The following HDAC8 variants were observed in gnomAD, a reference collection of about 807,000 sequenced individuals.
HDAC8 encodes histone deacetylase-like 1.
A neutral mutation model predicts 32.2 loss-of-function variants in HDAC8; 1 was observed. The ratio of observed to expected loss-of-function variants is 0.03; its 90% CI spans 0.01 to 0.15. The LOEUF is 0.15. HDAC8 is among the 10% of genes least tolerant of loss of function. HDAC8 has a pLI of 1.00. For missense variants in HDAC8, 117 were observed against 300.0 expected, an observed-to-expected ratio of 0.39 and a Z score of 4.51; for synonymous variants, 108 against 113.9, an observed-to-expected ratio of 0.95 and a Z score of 0.33.
intron 8 of HDAC8, among the ~76,000 whole-genome samples, chrX:72,462,731 T>G: frequency 9.0e-6 from 1 of 111,456 alleles, no homozygotes. Flanking sequence ...CCAACGGCCA[T>G]ATTATACTGG....
chrX:72,401,449 G>A (rs1462924530), intron 9 of HDAC8, among the ~76,000 whole-genome samples: 1 of 111,208 alleles, frequency 9.0e-6, no homozygotes, highest in Non-Finnish European at 1.9e-5. Flanking sequence ...GGCTGGTCTC[G>A]AACTCCTGAG....
chrX:72,473,899 T>C, intron 7 of HDAC8: 1 of 753,303 alleles, frequency 1.3e-6, no homozygotes, highest in Non-Finnish European at 1.6e-6. Flanking sequence ...TCTTCCGTGA[T>C]GTGGTTCCCA....
At chrX:72,477,631 G>A (rs939343665) in intron 7 of HDAC8, among the ~76,000 whole-genome samples, 3 of 112,526 alleles carry the variant, frequency 2.7e-5, no homozygotes, top group South Asian at 3.7e-4. Context: ...ACAATGAGGT[G>A]TGCAAGAAAG....
chrX:72,493,748 G>A (rs1314056129), intron 5 of HDAC8, among the ~76,000 whole-genome samples: 2 of 111,610 alleles, frequency 1.8e-5, no homozygotes, highest in African/African-American at 3.3e-5. Context: ...CCAAGCTGGA[G>A]TGCAGTGGCA....
At chrX:72,426,541 C>A (rs1602776476) in intron 9 of HDAC8, among the ~76,000 whole-genome samples, 1 of 111,833 alleles carries the variant, frequency 8.9e-6, no homozygotes, top group South Asian at 3.7e-4. Context: ...AATGCCTAGT[C>A]AAAATAAAAT....
chrX:72,379,216 A>G lies in HDAC8; in HGVS notation c.1006-27378T>C, dbSNP rs186557691. On this transcript the variant is annotated intron_variant, in intron 9 of 10. Coordinates refer to ENST00000373573, the MANE Select transcript of HDAC8 (RefSeq NM_018486.3). The stretch of plus-strand genomic sequence containing the variant: ...ATTGATATTTATTGATATTGGTGAG[A>G]CATGTCATACATTCCTTTAAATTTT... Among the ~76,000 whole-genome samples the G allele has an allele frequency of 1.7e-3, 192 of 111,299 alleles. 1 individual carries two copies. Among genetic ancestry groups the G allele is most frequent in the African/African-American group, 5.8e-3 (179 of 30,651 alleles).
chrX:72,424,645 C>T (rs782414371), intron 9 of HDAC8, among the ~76,000 whole-genome samples: 117 of 111,602 alleles, frequency 1.0e-3, no homozygotes, highest in African/African-American at 1.5e-3. Context: ...CAACCATTAC[C>T]GTTATCCACT....
intron 9 of HDAC8, among the ~76,000 whole-genome samples, chrX:72,382,080 T>A (rs782019702): frequency 1.8e-5 from 2 of 112,708 alleles, no homozygotes; most frequent in African/African-American, 6.4e-5. Context: ...ACCAAGCTGA[T>A]GGTTTTTTAA....
intron 4 of HDAC8, among the ~76,000 whole-genome samples, chrX:72,527,064 A>G (rs1360170758): frequency 9.0e-6 from 1 of 111,338 alleles, no homozygotes; most frequent in Non-Finnish European, 1.9e-5. Flanking sequence ...TTTAGGATAA[A>G]GTCCAAACAC....
intron 9 of HDAC8, among the ~76,000 whole-genome samples, chrX:72,417,311 T>C (rs1364770402): frequency 8.1e-5 from 9 of 111,640 alleles, no homozygotes; most frequent in African/African-American, 2.9e-4. Context: ...TTGCAGATGA[T>C]ATGATTCTAT....
In HDAC8 at chrX:72,572,119, T is replaced by C; in HGVS notation, c.112-10A>G. The stretch of plus-strand genomic sequence containing the variant: ...AATGCACCATACTGGCCTAAAAACA[T>C]CAGCGTAAAAAAAAAAAAAGAAAAG... On this transcript the variant is annotated splice_polypyrimidine_tract_variant and intron_variant, in intron 1 of 10. Transcript: ENST00000373573. 2 of 1,151,632 alleles carry C rather than the reference T, an allele frequency of 1.7e-6. No individual in the cohort carries two copies. Among genetic ancestry groups the C allele is most frequent in the Non-Finnish European group, 1.2e-6 (1 of 864,984 alleles). 94.9% of individuals were successfully genotyped at this position (1,151,632 alleles called of 1,213,427 possible). A position where few individuals can be genotyped will look rare whatever the true frequency, so the allele number is the denominator to read the frequency against.
intron 4 of HDAC8, among the ~76,000 whole-genome samples, chrX:72,542,585 G>A (rs2050740845): frequency 8.9e-6 from 1 of 111,868 alleles, no homozygotes; most frequent in Non-Finnish European, 1.9e-5. Context: ...TGACATAACT[G>A]GTCTCTTAGC....
At chrX:72,520,668 T>A (rs782231655) in intron 4 of HDAC8, among the ~76,000 whole-genome samples, 2 of 112,538 alleles carry the variant, frequency 1.8e-5, no homozygotes, top group Admixed American at 1.9e-4. Flanking sequence ...TCATCTAATA[T>A]AGTCTGTAAA....
At chrX:72,371,511 C>T (rs782100175) in intron 9 of HDAC8, among the ~76,000 whole-genome samples, 3 of 110,747 alleles carry the variant, frequency 2.7e-5, no homozygotes, top group Admixed American at 9.6e-5. Context: ...GTCCTGGATG[C>T]GGTGGAGAAA....
chrX:72,553,417 G>A (rs782205212), intron 4 of HDAC8, among the ~76,000 whole-genome samples: 1 of 111,770 alleles, frequency 8.9e-6, no homozygotes, highest in South Asian at 3.8e-4. Flanking sequence ...CTAACCCACT[G>A]TTGTTGAATA....
chrX:72,405,202 C>A (rs2046005443), intron 9 of HDAC8, among the ~76,000 whole-genome samples: 1 of 111,746 alleles, frequency 8.9e-6, no homozygotes, highest in African/African-American at 3.3e-5. Context: ...TATCATTTAG[C>A]TCCCACTTAT....
At chrX:72,423,819 C>T (rs2046558647) in intron 9 of HDAC8, among the ~76,000 whole-genome samples, 1 of 111,883 alleles carries the variant, frequency 8.9e-6, no homozygotes, top group Non-Finnish European at 1.9e-5. Flanking sequence ...AGAGTCTTCC[C>T]TCTGGAGCCC....
chrX:72,441,784 T>A (rs2047156909), intron 9 of HDAC8, among the ~76,000 whole-genome samples: 1 of 111,359 alleles, frequency 9.0e-6, no homozygotes, highest in Non-Finnish European at 1.9e-5. Flanking sequence ...TTAAAAACTT[T>A]GAAAAAAATT....
chrX:72,365,143 CATGCCTA>C (rs782678648), intron 9 of HDAC8, among the ~76,000 whole-genome samples: 77 of 111,934 alleles, frequency 6.9e-4, no homozygotes, highest in African/African-American at 2.2e-3. Context: ...ACTAGTTGAG[CATGCCTA>C]ATCCCAAAAT....
Sources: gnomAD v4.1 joint callset for allele counts (sites outside exome capture counted in the v4.1 genomes callset) on GRCh38, gnomAD v4.1.1 for gene constraint, MANE v1.5 for transcripts, NCBI Gene and HGNC (gene_info 2026-07-23, HGNC 2026-07-21) for gene names.